INPP5D: variants seen among roughly 807,000 people sequenced by gnomAD.
INPP5D encodes the protein inositol polyphosphate-5-phosphatase D.
In INPP5D, 33 loss-of-function variants were observed where a neutral mutation model predicts 122.9. That is an observed-to-expected ratio of 0.27 (90% CI 0.20 to 0.36). INPP5D has a LOEUF of 0.36. Among genes scored for constraint, INPP5D ranks in the 10% least tolerant of loss-of-function variants. The pLI is 1.00. For synonymous variants in INPP5D, 584 were observed against 576.2 expected, an observed-to-expected ratio of 1.01 and a Z score of -0.19; for missense variants, 1,053 against 1,412.7, an observed-to-expected ratio of 0.75 and a Z score of 4.08.
At chr2:233,136,477 T>TAAAA (rs56838121) in intron 5 of INPP5D, among the ~76,000 whole-genome samples, 38 of 145,110 alleles carry the variant, frequency 2.6e-4, no homozygotes, top group Non-Finnish European at 2.9e-4. Flanking sequence ...AGACCGCGTT[T>TAAAA]AAAAAAAAAA....
intron 1 of INPP5D, among the ~76,000 whole-genome samples, chr2:233,073,176 A>G (rs1244068462): frequency 6.6e-6 from 1 of 152,092 alleles, no homozygotes; most frequent in Non-Finnish European, 1.5e-5. Context: ...AAGGGTAGAG[A>G]GTGGGTCTCG....
At position 233,078,233 on chromosome 2, in the gene INPP5D, C is replaced by T. The variant is rs1422816118; in HGVS notation, c.135-1102C>T. 6.6e-6 allele frequency among the ~76,000 whole-genome samples: 1 copy of T among 152,192 alleles called. No individual in the cohort carries two copies. The highest frequency in any genetic ancestry group is 1.5e-5 in the Non-Finnish European group (1 of 68,042). On this transcript the variant is annotated intron_variant, in intron 1 of 26. Transcript: ENST00000445964. The surrounding 1 kb of genome is among the most constrained non-coding windows in gnomAD (Gnocchi z 4.6). ...AGGCTGAGGGCCACCGCAGTGTGCCCCTCTCCCAAGGTGCTAGCACTTGAC... is the reference window on the plus strand; with the variant it reads ...AGGCTGAGGGCCACCGCAGTGTGCCTCTCTCCCAAGGTGCTAGCACTTGAC...
At chr2:233,139,009 C>A (rs1488082015) in intron 5 of INPP5D, among the ~76,000 whole-genome samples, 2 of 152,048 alleles carry the variant, frequency 1.3e-5, no homozygotes, top group African/African-American at 4.8e-5. Context: ...CTGCCTCAGC[C>A]TCCTAAAGTG....
Position 233,100,918 on chromosome 2 carries a change from G to A in INPP5D, c.199-21189G>A, listed in dbSNP as rs768507231. ...TCAAAGAAGGCGGAAGCTTCCTGTCGTGGTCTGGCCCTTTGCCATCTTTCA... is the reference window on the plus strand; with the variant it reads ...TCAAAGAAGGCGGAAGCTTCCTGTCATGGTCTGGCCCTTTGCCATCTTTCA... On this transcript the variant is annotated intron_variant, in intron 2 of 26. Coordinates refer to ENST00000445964, the MANE Select transcript of INPP5D (RefSeq NM_001017915.3). This position sits in a 1 kb window ranked among gnomAD's most constrained non-coding sequence, Gnocchi z 5.3. 9.4e-5 allele frequency among the ~76,000 whole-genome samples: 14 copies of A among 148,190 alleles called. No individual in the cohort carries two copies. Among genetic ancestry groups the A allele is most frequent in the East Asian group, 2.1e-4 (1 of 4,876 alleles).
chr2:233,172,194 G>C (rs1280910693), intron 17 of INPP5D, among the ~76,000 whole-genome samples: 1 of 152,232 alleles, frequency 6.6e-6, no homozygotes, highest in Non-Finnish European at 1.5e-5. Context: ...CACTGTCAGA[G>C]CAGGTCCTTG....
intron 2 of INPP5D, among the ~76,000 whole-genome samples, chr2:233,108,035 C>T (rs72984238): frequency 0.017 from 2,583 of 152,196 alleles, 35 homozygotes; most frequent in African/African-American, 0.043. Flanking sequence ...GTGCCAGTTT[C>T]CCCCCTCCCA....
intron 2 of INPP5D, among the ~76,000 whole-genome samples, chr2:233,109,282 G>C (rs77712053): frequency 6.6e-6 from 1 of 152,192 alleles, no homozygotes. Context: ...CACAGCACAC[G>C]CTTCAGCTGA....
At chr2:233,204,820 G>C (rs929001689) in intron 26 of INPP5D, 103 bp downstream of exon 26, 3 of 1,388,144 alleles carry the variant, frequency 2.2e-6, no homozygotes, top group East Asian at 2.6e-5. Context: ...GTGTGTGCAC[G>C]CATGCATATG....
At chr2:233,113,947 C>T (rs182800519) in intron 2 of INPP5D, among the ~76,000 whole-genome samples, 3 of 142,472 alleles carry the variant, frequency 2.1e-5, no homozygotes, top group Admixed American at 6.8e-5. Context: ...CGCTCTGTCG[C>T]CCAGGCTGGA....
At chr2:233,116,260 T>TAGATAG (rs1192322116) in intron 2 of INPP5D, among the ~76,000 whole-genome samples, 2 of 108,528 alleles carry the variant, frequency 1.8e-5, no homozygotes, top group African/African-American at 4.8e-5. Flanking sequence ...TAGATATAGA[T>TAGATAG]ATAGATATAG....
At position 233,098,936 on chromosome 2, in the gene INPP5D, TTTTATTTA is replaced by T. The variant is rs57540040; in HGVS notation, c.198+19562_198+19569del. 4.0e-4 allele frequency among the ~76,000 whole-genome samples: 59 copies of T among 146,076 alleles called. 1 individual carries two copies. The South Asian group carries it at 9.4e-3, about 23-fold the overall frequency. ...TGCTAAGCTAGATTTGGAACTTTAT[TTTTATTTA>T]TTTATTTATTTATTTATTTATTTTT... is the stretch of plus-strand genomic sequence containing the variant. On this transcript the variant is annotated intron_variant, in intron 2 of 26. Transcript: ENST00000445964.
At position 233,082,093 on chromosome 2, in the gene INPP5D, C is replaced by T. The variant is rs980379342; in HGVS notation, c.198+2695C>T. 3.9e-5 allele frequency among the ~76,000 whole-genome samples: 6 copies of T among 152,066 alleles called. No individual in the cohort carries two copies. Among genetic ancestry groups the T allele is most frequent in the African/African-American group, 1.2e-4 (5 of 41,392 alleles). On this transcript the variant is annotated intron_variant, in intron 2 of 26. Transcript: ENST00000445964. The surrounding 1 kb of genome is among the most constrained non-coding windows in gnomAD (Gnocchi z 4.7). ...TGCTGGACTTCTCTGCTCCTGACCC[C>T]GGCACTAGATCTGTGACCTCCGCAG... is the stretch of plus-strand genomic sequence containing the variant.
Position 233,193,717 on chromosome 2 carries a change from A to G in INPP5D, c.2447-95A>G. ...TTATTAAATAACCCTTGCCTGGGCT[A>G]TAGTTTCAAAGGACCAACTCTCCGG... On this transcript the variant is annotated intron_variant, in intron 22 of 26. Coordinates refer to ENST00000445964, the MANE Select transcript of INPP5D (RefSeq NM_001017915.3). 1.9e-6 allele frequency: 3 copies of G among 1,597,690 alleles called. No individual in the cohort carries two copies. The African/African-American group carries it at 4.0e-5, about 21-fold the overall frequency.
rs1691579564 is a variant in INPP5D at position 233,078,305 on chromosome 2, C to T, written c.135-1030C>T. ...GTTTTAGGAAAGTGAAAAGTACCTT[C>T]TCCTCCTCACATTAGAGATGACTGT... On this transcript the variant is annotated intron_variant, in intron 1 of 26. Transcript: ENST00000445964. The surrounding 1 kb of genome is among the most constrained non-coding windows in gnomAD (Gnocchi z 4.6). 6.6e-6 allele frequency among the ~76,000 whole-genome samples: 1 copy of T among 152,220 alleles called. No homozygotes were observed. The highest frequency in any genetic ancestry group is 2.1e-4 in the South Asian group (1 of 4,830).
chr2:233,126,063 T>A (rs1475162002), intron 4 of INPP5D, 144 bp downstream of exon 4: 1 of 819,088 alleles, frequency 1.2e-6, no homozygotes, highest in African/African-American at 1.7e-5. Flanking sequence ...GTGCTTGTCA[T>A]CTTGCACCCC....
At chr2:233,146,079 G>A (rs925656848) in intron 6 of INPP5D, 83 bp from the exon 7 acceptor site, 2 of 703,802 alleles carry the variant, frequency 2.8e-6, no homozygotes, top group Non-Finnish European at 5.2e-6. Flanking sequence ...AATGGGGTGA[G>A]GTGCAGAGAG....
intron 1 of INPP5D, among the ~76,000 whole-genome samples, chr2:233,072,591 C>T (rs1244145916): frequency 6.6e-6 from 1 of 152,200 alleles, no homozygotes; most frequent in Non-Finnish European, 1.5e-5. Context: ...CACTTCTTCT[C>T]AATGCCATTT....
Position 233,197,877 on chromosome 2 carries a change from C to T in INPP5D, c.2694-218C>T, listed in dbSNP as rs1265823185. 1.3e-5 allele frequency among the ~76,000 whole-genome samples: 2 copies of T among 152,230 alleles called. No homozygotes were observed. The highest frequency in any genetic ancestry group is 2.9e-5 in the Non-Finnish European group (2 of 68,036). On this transcript the variant is annotated intron_variant, in intron 24 of 26. Transcript: ENST00000445964. The surrounding 1 kb of genome is among the most constrained non-coding windows in gnomAD (Gnocchi z 4.4). The stretch of plus-strand genomic sequence containing the variant: ...TGGCTGCCTCACTCACAGCCATATT[C>T]CCTCCTCCCGGCCTGGGGCCAGGTG...
At chr2:233,111,390 C>T (rs1017141245) in intron 2 of INPP5D, among the ~76,000 whole-genome samples, 1 of 152,134 alleles carries the variant, frequency 6.6e-6, no homozygotes, top group Non-Finnish European at 1.5e-5. Flanking sequence ...ATAATTTCCC[C>T]CTTCTGGGCT....
Sources: allele counts gnomAD v4.1 joint callset (sites outside exome capture counted in the v4.1 genomes callset), GRCh38; gene constraint gnomAD v4.1.1; non-coding constraint Gnocchi (gnomAD v3.1); transcripts MANE v1.5; gene names NCBI Gene and HGNC (gene_info 2026-07-23, HGNC 2026-07-21).